The following NRG1 variants were observed in gnomAD, a reference collection of about 807,000 sequenced individuals.
The protein encoded by NRG1 is pro-neuregulin-1, membrane-bound isoform.
Under a neutral mutation model 63.8 loss-of-function variants are expected in NRG1, and 18 were observed. The ratio of observed to expected loss-of-function variants is 0.28; its 90% CI spans 0.19 to 0.42. The LOEUF (loss-of-function observed/expected upper bound fraction) is 0.42, where lower values mean the gene tolerates loss of function less well. Ranked by LOEUF, NRG1 falls within the 10% of genes least tolerant of loss-of-function variation. The probability of loss-of-function intolerance (pLI) is 1.00; values close to 1 mark genes in which losing one functional copy is unlikely to be tolerated. For synonymous variants in NRG1, 302 were observed against 301.3 expected (o/e 1.00, Z -0.02); for missense variants, 762 against 814.7 (o/e 0.94, Z 0.79).
intron 5 of NRG1, among the ~76,000 whole-genome samples, chr8:32,657,635 G>C (rs1185642340): frequency 6.6e-6 from 1 of 152,158 alleles, no homozygotes; most frequent in Admixed American, 6.5e-5. Flanking sequence ...AGCAATAAAA[G>C]CTCCATACAT....
intron 1 of NRG1, among the ~76,000 whole-genome samples, chr8:31,733,765 T>C (rs1814358057): frequency 6.6e-6 from 1 of 152,186 alleles, no homozygotes; most frequent in Admixed American, 6.5e-5. Flanking sequence ...GTTCTGTACA[T>C]GTCACAGTTT....
Position 32,280,697 on chromosome 8 carries a change from T to TG in NRG1, c.38-315131_38-315130insG, listed in dbSNP as rs1357785620. Among the ~76,000 whole-genome samples, 784 of 133,058 alleles carry TG rather than the reference T, an allele frequency of 5.9e-3. 3 individuals carry two copies. The highest frequency in any genetic ancestry group is 0.02 in the African/African-American group (736 of 36,400). 87.3% of individuals were successfully genotyped at this position (133,058 alleles called of 152,430 possible). ...TGAATTAGGTTTTTTTTTTGTTTTT[T>TG]TTTTTTTTTTTTTTTTTCAGATAAA... On this transcript the variant is annotated intron_variant, in intron 1 of 10. Coordinates refer to the NRG1 transcript ENST00000519301.
At chr8:32,030,262 T>C (rs1426570016) in intron 1 of NRG1, 1 of 152,180 alleles carries the variant, frequency 6.6e-6, no homozygotes, top group Non-Finnish European at 1.5e-5. Context: ...CATGTTAATG[T>C]TATGTGGTTG....
intron 1 of NRG1, among the ~76,000 whole-genome samples, chr8:32,174,870 C>T (rs1840518737): frequency 1.3e-5 from 2 of 152,068 alleles, no homozygotes; most frequent in Admixed American, 1.3e-4. Context: ...AGTCCAGGAC[C>T]AGATCGATTC....
intron 1 of NRG1, among the ~76,000 whole-genome samples, chr8:32,296,750 A>G (rs913199851): frequency 6.6e-6 from 1 of 152,206 alleles, no homozygotes; most frequent in Non-Finnish European, 1.5e-5. Flanking sequence ...AAAGACAATA[A>G]CAAAACACTC....
chr8:31,844,702 C>T (rs551259606), intron 1 of NRG1, among the ~76,000 whole-genome samples: 2 of 152,098 alleles, frequency 1.3e-5, no homozygotes, highest in Non-Finnish European at 2.9e-5. Flanking sequence ...ATAAAACCTA[C>T]CCCCAAAAGG....
chr8:32,181,042 T>C lies in NRG1; in HGVS notation c.38-414786T>C, dbSNP rs529792360. On this transcript the variant is annotated intron_variant, in intron 1 of 10. Coordinates refer to the NRG1 transcript ENST00000519301. The stretch of plus-strand genomic sequence containing the variant: ...GCTTAGCTTCTTTCACTTAATGTAA[T>C]GGTGCTGTTCATATTACTGTGGTTT... Among the ~76,000 whole-genome samples, 161 of 152,330 alleles carry C rather than the reference T, an allele frequency of 1.1e-3. 4 individuals are homozygous for C. The highest frequency in any genetic ancestry group is 0.01 in the Admixed American group (160 of 15,298).
intron 1 of NRG1, among the ~76,000 whole-genome samples, chr8:31,994,914 C>G (rs549097870): frequency 6.6e-5 from 10 of 151,884 alleles, no homozygotes; most frequent in Non-Finnish European, 1.3e-4. Flanking sequence ...TAAATTACCT[C>G]TAGCTTTTAA....
intron 1 of NRG1, among the ~76,000 whole-genome samples, chr8:31,949,653 C>T (rs1803160401): frequency 6.6e-6 from 1 of 152,188 alleles, no homozygotes; most frequent in African/African-American, 2.4e-5. Flanking sequence ...TTTCTCATTA[C>T]TGGAGCATTT....
At chr8:32,350,408 C>T (rs1301510088) in intron 1 of NRG1, among the ~76,000 whole-genome samples, 1 of 152,140 alleles carries the variant, frequency 6.6e-6, no homozygotes, top group Non-Finnish European at 1.5e-5. Context: ...GAGCTCTCCC[C>T]TTCTCATCCA....
chr8:32,647,665 C>G, intron 5 of NRG1: 1 of 1,503,526 alleles, frequency 6.7e-7, no homozygotes, highest in East Asian at 2.3e-5. Flanking sequence ...GGGGGGGCCT[C>G]TGCGTGGTAA....
chr8:32,536,456 A>G (rs567792935), intron 1 of NRG1, among the ~76,000 whole-genome samples: 1 of 152,276 alleles, frequency 6.6e-6, no homozygotes, highest in South Asian at 2.1e-4. Context: ...TCTGCTGATG[A>G]GGTCAGACCC....
downstream of NRG1, among the ~76,000 whole-genome samples, chr8:32,770,153 A>G (rs1409198581): frequency 6.6e-6 from 1 of 152,202 alleles, no homozygotes; most frequent in African/African-American, 2.4e-5. Context: ...CTAAAGAATT[A>G]CCTCTGTAGA....
intron 1 of NRG1, among the ~76,000 whole-genome samples, chr8:32,468,252 T>C (rs1450586642): frequency 6.6e-6 from 1 of 152,170 alleles, no homozygotes; most frequent in Non-Finnish European, 1.5e-5. Flanking sequence ...CAGCTTAGCC[T>C]CCTTATAAGC....
At chr8:32,633,371 T>C (rs1850694201) in intron 5 of NRG1, among the ~76,000 whole-genome samples, 1 of 152,202 alleles carries the variant, frequency 6.6e-6, no homozygotes, top group Admixed American at 6.5e-5. Context: ...ATTATGTTTT[T>C]CTGCTTGTAA....
At chr8:31,899,593 C>T (rs1050804198) in intron 1 of NRG1, among the ~76,000 whole-genome samples, 1 of 151,924 alleles carries the variant, frequency 6.6e-6, no homozygotes, top group Non-Finnish European at 1.5e-5. Flanking sequence ...GTTGGAATAC[C>T]AGCTAATTTA....
intron 1 of NRG1, among the ~76,000 whole-genome samples, chr8:31,880,947 G>A (rs1019309076): frequency 1.3e-5 from 2 of 152,178 alleles, no homozygotes; most frequent in African/African-American, 4.8e-5. Flanking sequence ...TTGATCTAGT[G>A]TATTGAGTCA....
chr8:32,596,189 C>T (rs991134459), intron 2 of NRG1, among the ~76,000 whole-genome samples, 184 bp downstream of exon 2: 10 of 152,028 alleles, frequency 6.6e-5, no homozygotes, highest in African/African-American at 2.4e-4. Flanking sequence ...GTGGTTCTTA[C>T]ATCTTATTGA....
chr8:32,259,287 G>GA (rs1490174017), intron 1 of NRG1, among the ~76,000 whole-genome samples: 1 of 152,196 alleles, frequency 6.6e-6, no homozygotes, highest in Non-Finnish European at 1.5e-5. Context: ...CAGGCGATTA[G>GA]GCCATGAGGG....
Sources: gnomAD v4.1 joint callset for allele counts (sites outside exome capture counted in the v4.1 genomes callset) on GRCh38, gnomAD v4.1.1 for gene constraint, MANE v1.5 for transcripts, NCBI Gene and HGNC (gene_info 2026-07-23, HGNC 2026-07-21) for gene names.